The following RNF31 variants were observed in gnomAD, a reference collection of about 807,000 sequenced individuals.
The protein encoded by RNF31 is E3 ubiquitin-protein ligase RNF31.
In RNF31, 38 loss-of-function variants were observed where a neutral mutation model predicts 133.6. The ratio of observed to expected loss-of-function variants is 0.28; its 90% CI spans 0.22 to 0.37. The LOEUF (loss-of-function observed/expected upper bound fraction) is 0.37, where lower values mean the gene tolerates loss of function less well. RNF31 is among the 10% of genes least tolerant of loss of function. The probability of loss-of-function intolerance (pLI) is 1.00; values close to 1 mark genes in which losing one functional copy is unlikely to be tolerated. For synonymous variants in RNF31, 582 were observed against 552.3 expected (o/e 1.05, Z -0.75); for missense variants, 1,118 against 1,394.1 (o/e 0.80, Z 3.15).
chr14:24,159,521 A>C (rs1288614710), intron 18 of RNF31, among the ~76,000 whole-genome samples: 2 of 151,788 alleles, frequency 1.3e-5, no homozygotes, highest in Non-Finnish European at 2.9e-5. Context: ...TAAAAAATAA[A>C]AATAAAAAAA....
In RNF31 at chr14:24,148,696, G is replaced by C. The variant is rs761779920; in HGVS notation, c.550G>C (p.Asp184His). ...LEQLLEDKVE[D>H]DMLQLSEFDP... ...GCAGCTGTTGGAAGACAAGGTTGAA[G>C]ATGATGTAAGGAAGGCAGGAAAGGG... Residue 184 changes from aspartate to histidine, a missense_variant, in exon 4 of 21, where the codon GAT (aspartate) becomes CAT (histidine). Physicochemically the swap from Asp to His is moderately conservative, Grantham distance 81. Around this residue, in one of 3 missense-constraint regions of RNF31, gnomAD observed 747 missense variants for 827.9 expected, o/e 0.90. Transcript: ENST00000324103. 6.2e-7 allele frequency: 1 copy of C among 1,614,226 alleles called. No homozygotes were observed. Among genetic ancestry groups the C allele is most frequent in the South Asian group, 1.1e-5 (1 of 91,080 alleles).
chr14:24,148,441 C>T lies in RNF31; in HGVS notation c.495+28C>T, dbSNP rs1348345280. On this transcript the variant is annotated intron_variant, in intron 3 of 20. Coordinates refer to ENST00000324103, the MANE Select transcript of RNF31 (RefSeq NM_017999.5). ...GAGATGCTCCTCTAGTCTTGATGGA[C>T]TTATGCACCAGGGCTGGGGAGCCCA... 4 of 1,613,608 alleles carry T rather than the reference C, an allele frequency of 2.5e-6. No homozygotes were observed. The Admixed American group carries it at 5.0e-5, about 20-fold the overall frequency.
rs770801272 is a variant in RNF31 at position 24,160,347 on chromosome 14, C to T, written c.3105C>T (p.His1035=). ...AGACGGCCACTGAGCGCTACCTGCA[C>T]GTACGCCCCCAGCCTTTGGCTGGAG... ...ELETATERYL[H]VRPQPLAGED... Residue 1035 remains histidine, a synonymous_variant, in exon 20 of 21, where the codon CAC becomes CAT. Coordinates refer to ENST00000324103, the MANE Select transcript of RNF31 (RefSeq NM_017999.5). This position sits in a 1 kb window ranked among gnomAD's most constrained non-coding sequence, Gnocchi z 4.0. 24 of 1,614,086 alleles carry T rather than the reference C, an allele frequency of 1.5e-5. No individual in the cohort carries two copies. The highest frequency in any genetic ancestry group is 2.7e-5 in the African/African-American group (2 of 74,930).
At chr14:24,159,032 C>CAAAAAA (rs529900287) in intron 18 of RNF31, among the ~76,000 whole-genome samples, 1 of 54,432 alleles carries the variant, frequency 1.8e-5, no homozygotes, top group Non-Finnish European at 3.3e-5. Flanking sequence ...GACTTCGTCT[C>CAAAAAA]AAAAAAAAAA....
Position 24,151,340 on chromosome 14 carries a change from T to C in RNF31, c.1698T>C (p.Asp566=). 6.2e-7 allele frequency: 1 copy of C among 1,614,204 alleles called. No individual in the cohort carries two copies. The highest frequency in any genetic ancestry group is 1.1e-5 in the South Asian group (1 of 91,084). Residue 566 remains aspartate, a synonymous_variant, in exon 9 of 21, where the codon GAT becomes GAC. Transcript: ENST00000324103. This position sits in a 1 kb window ranked among gnomAD's most constrained non-coding sequence, Gnocchi z 5.3. Reference sequence around the variant, plus strand: ...GGCTGGATCGTCATGGCAACCTTGATGAAGCTGTGGAGGAGTGTGTGAGGA... The same window carrying C: ...GGCTGGATCGTCATGGCAACCTTGACGAAGCTGTGGAGGAGTGTGTGAGGA... ...RAWLDRHGNL[D]EAVEECVRTR... is the part of the protein sequence containing the mutation.
chr14:24,159,910 G>T lies in RNF31; in HGVS notation c.2946G>T (p.Arg982Ser). ...AGAAGGAGGTTCCCAATGGGCTCAGGGACGAAGCTTGTGGCAAGGAAACTC... is the reference window on the plus strand; with the variant it reads ...AGAAGGAGGTTCCCAATGGGCTCAGTGACGAAGCTTGTGGCAAGGAAACTC... ...IEQKEVPNGL[R>S]DEACGKETPA... is the part of the protein sequence containing the mutation. The change falls in exon 19 of 21, where the codon AGG becomes AGT. Residue 982 changes from arginine (R) to serine (S), a missense_variant. Arg to Ser is a moderately radical substitution (Grantham distance 110). This residue lies in a region of RNF31 where 170 missense variants were observed against 194.5 expected (regional missense o/e 0.87). Coordinates refer to ENST00000324103, the MANE Select transcript of RNF31 (RefSeq NM_017999.5). 6.2e-7 allele frequency: 1 copy of T among 1,614,156 alleles called. No homozygotes were observed. The highest frequency in any genetic ancestry group is 1.1e-5 in the South Asian group (1 of 91,076).
Position 24,155,803 on chromosome 14 carries a change from C to T in RNF31, c.2493+111C>T. The T allele has an allele frequency of 2.3e-6, 2 of 871,952 alleles. No individual in the cohort carries two copies. The highest frequency in any genetic ancestry group is 2.0e-5 in the Admixed American group (1 of 50,632). 54.0% of individuals were successfully genotyped at this position (871,952 alleles called of 1,614,324 possible). ...GCAAAACAGACATGAGCTCTGAGGT[C>T]AAAAGAGCTTACAGACTACTCAGAA... On this transcript the variant is annotated intron_variant, in intron 14 of 20. Transcript: ENST00000324103. The surrounding 1 kb of genome is among the most constrained non-coding windows in gnomAD (Gnocchi z 4.9).
In RNF31 at chr14:24,159,909, G is replaced by A; in HGVS notation, c.2945G>A (p.Arg982Lys). The A allele has an allele frequency of 1.2e-6, 2 of 1,614,170 alleles. No homozygotes were observed. The highest frequency in any genetic ancestry group is 1.7e-6 in the Non-Finnish European group (2 of 1,180,042). ...IEQKEVPNGL[R>K]DEACGKETPA... ...CAGAAGGAGGTTCCCAATGGGCTCA[G>A]GGACGAAGCTTGTGGCAAGGAAACT... The change falls in exon 19 of 21, where the codon AGG becomes AAG. Residue 982 changes from arginine to lysine, a missense_variant. Arg to Lys is a conservative substitution (Grantham distance 26, BLOSUM62 2). Coordinates refer to ENST00000324103, the MANE Select transcript of RNF31 (RefSeq NM_017999.5).
chr14:24,151,818 A>AGGCGG lies in RNF31; in HGVS notation c.1956_1957insGGCGG (p.Leu653GlyfsTer29). ...TCAGGCGGCTTTTGGCAGTCTACGC[A>AGGCGG]CTCCCCAGCTGGGGCCGGGCAGAGC... On this transcript the variant is annotated frameshift_variant, in exon 11 of 21. Coordinates refer to ENST00000324103, the MANE Select transcript of RNF31 (RefSeq NM_017999.5). LOFTEE classifies it high-confidence loss of function. This position sits in a 1 kb window ranked among gnomAD's most constrained non-coding sequence, Gnocchi z 5.3. 6.2e-7 allele frequency: 1 copy of AGGCGG among 1,613,016 alleles called. No individual in the cohort carries two copies.
At position 24,160,568 on chromosome 14, in the gene RNF31, A is replaced by C. The variant is rs1318635319; in HGVS notation, c.3214A>C (p.Lys1072Gln). The change falls in exon 21 of 21, where the codon AAG (lysine) becomes CAG (glutamine). Residue 1072 changes from lysine to glutamine, a missense_variant. Physicochemically the swap from Lys to Gln is moderately conservative, Grantham distance 53. This residue lies in a region of RNF31 where 170 missense variants were observed against 194.5 expected (regional missense o/e 0.87). Coordinates refer to ENST00000324103, the MANE Select transcript of RNF31 (RefSeq NM_017999.5). The surrounding 1 kb of genome is among the most constrained non-coding windows in gnomAD (Gnocchi z 4.0). The stretch of plus-strand genomic sequence containing the variant: ...GGGACAGAGTATCCCCCGCAGGCGG[A>C]AGTAGCTGAGGGCAAGGGTCCCGAT... ...PLGQSIPRRR[K>Q] 3 of 1,532,082 alleles carry C rather than the reference A, an allele frequency of 2.0e-6. No individual in the cohort carries two copies. The highest frequency in any genetic ancestry group is 2.6e-6 in the Non-Finnish European group (3 of 1,137,196). 94.9% of individuals were successfully genotyped at this position (1,532,082 alleles called of 1,614,324 possible).
chr14:24,155,801 G>A lies in RNF31; in HGVS notation c.2493+109G>A, dbSNP rs2038333872. ...GAGCAAAACAGACATGAGCTCTGAG[G>A]TCAAAAGAGCTTACAGACTACTCAG... On this transcript the variant is annotated intron_variant, in intron 14 of 20. Transcript: ENST00000324103. This position sits in a 1 kb window ranked among gnomAD's most constrained non-coding sequence, Gnocchi z 4.9. 1 of 894,150 alleles carries A rather than the reference G, an allele frequency of 1.1e-6. No individual in the cohort carries two copies. The highest frequency in any genetic ancestry group is 1.4e-5 in the South Asian group (1 of 73,060). The allele number at this position is 894,150 out of a possible 1,614,324, so 55.4% of individuals were successfully genotyped here. A position where few individuals can be genotyped will look rare whatever the true frequency, so the allele number is the denominator to read the frequency against.
chr14:24,151,541 G>T lies in RNF31; in HGVS notation c.1794G>T (p.Leu598Phe). The T allele has an allele frequency of 6.2e-7, 1 of 1,614,244 alleles. No homozygotes were observed. The highest frequency in any genetic ancestry group is 8.5e-7 in the Non-Finnish European group (1 of 1,180,048). ...FGPEEGSLQA[L>F]FQHGGDVSRA... ...CTGAGGAGGGGTCTCTCCAGGCATT[G>T]TTCCAGCACGGAGGTGATGTGTCAC... The change falls in exon 10 of 21, where the codon TTG (leucine) becomes TTT (phenylalanine). Residue 598 changes from leucine (L) to phenylalanine (F), a missense_variant. Leu to Phe is a conservative substitution (Grantham distance 22, BLOSUM62 0). Transcript: ENST00000324103. This position sits in a 1 kb window ranked among gnomAD's most constrained non-coding sequence, Gnocchi z 5.3.
In RNF31 at chr14:24,150,104, C is replaced by G. The variant is rs760003323; in HGVS notation, c.853C>G (p.Leu285Val). 2.5e-6 allele frequency: 4 copies of G among 1,600,792 alleles called. No homozygotes were observed. Among genetic ancestry groups the G allele is most frequent in the Non-Finnish European group, 3.4e-6 (4 of 1,170,346 alleles). Residue 285 changes from leucine (L) to valine (V), a missense_variant, in exon 7 of 21, where the codon CTG (leucine) becomes GTG (valine). Leu to Val is a conservative substitution (Grantham distance 32). Transcript: ENST00000324103. The stretch of plus-strand genomic sequence containing the variant: ...ACCACGGCCCCAGTCGACCTCCCTG[C>G]TGGCCCTGGGAGACAGCTCTCTTTC... The part of the protein sequence containing the change: ...AQPRPQSTSL[L>V]ALGDSSLSSP...
chr14:24,160,007 G>C lies in RNF31; in HGVS notation c.2996+47G>C. 1 of 1,566,546 alleles carries C rather than the reference G, an allele frequency of 6.4e-7. No individual in the cohort carries two copies. Among genetic ancestry groups the C allele is most frequent in the East Asian group, 2.2e-5 (1 of 44,482 alleles). ...GCATGGTGTTGGGCAGTGGGTAGAA[G>C]TGGTGAGGGCATGCCCAGGCAGTAA... On this transcript the variant is annotated intron_variant, in intron 19 of 20. Transcript: ENST00000324103. The surrounding 1 kb of genome is among the most constrained non-coding windows in gnomAD (Gnocchi z 4.0).
At position 24,160,403 on chromosome 14, in the gene RNF31, T is replaced by C; in HGVS notation, c.3161T>C (p.Leu1054Ser). Residue 1054 changes from leucine to serine, a missense_variant, in exon 20 of 21, where the codon TTA becomes TCA. Physicochemically the swap from Leu to Ser is moderately radical, Grantham distance 145. Transcript: ENST00000324103. The surrounding 1 kb of genome is among the most constrained non-coding windows in gnomAD (Gnocchi z 4.0). ...EDPPAYQARL[L>S]QKLTEEVPLG... ...CCCCCTGCTTACCAGGCCCGCTTGT[T>C]ACAGGTATAGCCTCCACCCAGCCTC... is the stretch of plus-strand genomic sequence containing the variant. 6.2e-7 allele frequency: 1 copy of C among 1,614,050 alleles called. No homozygotes were observed. Among genetic ancestry groups the C allele is most frequent in the Middle Eastern group, 1.6e-4 (1 of 6,062 alleles).
chr14:24,158,964 C>T (rs1247065631), intron 18 of RNF31, among the ~76,000 whole-genome samples: 9 of 130,270 alleles, frequency 6.9e-5, no homozygotes, highest in African/African-American at 1.5e-4. Flanking sequence ...ACCCGGGAGG[C>T]GGAGCTTGCA....
chr14:24,149,199 G>C, intron 5 of RNF31: 2 of 609,044 alleles, frequency 3.3e-6, no homozygotes, highest in Non-Finnish European at 5.7e-6. Flanking sequence ...CTGACCTCAA[G>C]TGATCCACCC....
chr14:24,151,437 C>G lies in RNF31; in HGVS notation c.1738-48C>G. On this transcript the variant is annotated intron_variant, in intron 9 of 20. Coordinates refer to ENST00000324103, the MANE Select transcript of RNF31 (RefSeq NM_017999.5). The surrounding 1 kb of genome is among the most constrained non-coding windows in gnomAD (Gnocchi z 5.3). ...AGAGTCTGCATCTCTCACACTCTCC[C>G]TTGCTTGCTTTCCCACTTCATTCCC... The G allele has an allele frequency of 2.5e-6, 4 of 1,613,254 alleles. No individual in the cohort carries two copies. The highest frequency in any genetic ancestry group is 3.4e-6 in the Non-Finnish European group (4 of 1,179,288).
At position 24,148,319 on chromosome 14, in the gene RNF31, T is replaced by A; in HGVS notation, c.401T>A (p.Phe134Tyr). 1 of 1,614,140 alleles carries A rather than the reference T, an allele frequency of 6.2e-7. No individual in the cohort carries two copies. Among genetic ancestry groups the A allele is most frequent in the South Asian group, 1.1e-5 (1 of 91,078 alleles). Residue 134 changes from phenylalanine (F) to tyrosine (Y), a missense_variant, in exon 3 of 21, where the codon TTC becomes TAC. Around this residue, in one of 3 missense-constraint regions of RNF31, gnomAD observed 747 missense variants for 827.9 expected, o/e 0.90. Transcript: ENST00000324103. Reference sequence around the variant, plus strand: ...GAGGAGCAACCAGATGGGTTGAGCTTCCCCGAAGGGCAGGAGGAGCCAGAT... The same window carrying A: ...GAGGAGCAACCAGATGGGTTGAGCTACCCCGAAGGGCAGGAGGAGCCAGAT... ...YTEEQPDGLS[F>Y]PEGQEEPDEH...
Sources: allele counts gnomAD v4.1 joint callset (sites outside exome capture counted in the v4.1 genomes callset), GRCh38; gene constraint gnomAD v4.1.1; regional missense constraint gnomAD v4.1.1; non-coding constraint Gnocchi (gnomAD v3.1); transcripts MANE v1.5; gene names NCBI Gene and HGNC (gene_info 2026-07-23, HGNC 2026-07-21).